Variants in LUC7L2 observed in about 807,000 individuals in gnomAD.
The protein encoded by LUC7L2 is putative RNA-binding protein Luc7-like 2.
LUC7L2 carries 25 observed loss-of-function variants against 52.8 expected under a neutral mutation model. The ratio of observed to expected loss-of-function variants is 0.47; its 90% CI spans 0.34 to 0.66. The LOEUF is 0.66. LUC7L2 is among the 30% of genes least tolerant of loss of function. The probability of loss-of-function intolerance (pLI) is 0.01; values close to 1 mark genes in which losing one functional copy is unlikely to be tolerated. For missense variants in LUC7L2, 328 were observed against 497.8 expected (o/e 0.66, Z 3.25); for synonymous variants, 144 against 160.9 (o/e 0.89, Z 0.80).
rs956448615 is a variant in LUC7L2 at position 139,407,103 on chromosome 7, A to G, written c.511-71A>G. ...TAGAAAACACTTTTGGTATAAGCAT[A>G]GTATATTTTATTTAATTGTATGACT... On this transcript the variant is annotated intron_variant, in intron 5 of 9. Transcript: ENST00000354926. 37 of 1,439,468 alleles carry G rather than the reference A, an allele frequency of 2.6e-5. No homozygotes were observed. In the Admixed American group the frequency reaches 5.6e-4, roughly 22 times the overall value. The allele number at this position is 1,439,468 out of a possible 1,614,324, so 89.2% of individuals were successfully genotyped here.
At chr7:139,367,582 A>G (rs1800228223) in intron 1 of LUC7L2, among the ~76,000 whole-genome samples, 1 of 152,206 alleles carries the variant, frequency 6.6e-6, no homozygotes, top group Admixed American at 6.5e-5. Context: ...AAAATCATGT[A>G]ACACCTAAAG....
intron 2 of LUC7L2, among the ~76,000 whole-genome samples, chr7:139,381,390 T>A (rs1454591060): frequency 0.013 from 1,326 of 105,380 alleles, 26 homozygotes; most frequent in African/African-American, 0.04. Flanking sequence ...ATTTTATTTT[T>A]TATTTTATTT....
At chr7:139,417,447 GAA>G in intron 8 of LUC7L2, 89 bp from the exon 9 acceptor site, 1 of 1,500,490 alleles carries the variant, frequency 6.7e-7, no homozygotes, top group Non-Finnish European at 8.9e-7. Context: ...TAAGACTACT[GAA>G]AAAAAGTTTC....
intron 2 of LUC7L2, among the ~76,000 whole-genome samples, chr7:139,383,981 C>A (rs1794081136): frequency 6.9e-6 from 1 of 144,726 alleles, no homozygotes; most frequent in Admixed American, 6.6e-5. Flanking sequence ...AACTCCTGAC[C>A]TGAAGTGACC....
At chr7:139,375,374 TA>T in intron 1 of LUC7L2, 1 of 985,362 alleles carries the variant, frequency 1.0e-6, no homozygotes, top group Non-Finnish European at 1.2e-6. Context: ...AACTTGGAGG[TA>T]TGGAACCTTT....
At chr7:139,378,962 G>A (rs1408598058) in intron 2 of LUC7L2, among the ~76,000 whole-genome samples, 1 of 152,104 alleles carries the variant, frequency 6.6e-6, no homozygotes, top group African/African-American at 2.4e-5. Flanking sequence ...CTTAACTGTT[G>A]ATTTTATGAT....
At chr7:139,418,607 T>A (rs924799964) in intron 9 of LUC7L2, among the ~76,000 whole-genome samples, 1 of 151,522 alleles carries the variant, frequency 6.6e-6, no homozygotes, top group Admixed American at 6.6e-5. Context: ...TCTTTCCTAT[T>A]TTTTTTTGAC....
intron 7 of LUC7L2, among the ~76,000 whole-genome samples, chr7:139,410,075 C>T (rs1474073270): frequency 6.6e-6 from 1 of 152,012 alleles, no homozygotes; most frequent in Non-Finnish European, 1.5e-5. Flanking sequence ...GGCGAGGTGG[C>T]GGGCGCCTGT....
At chr7:139,386,055 T>A (rs1794179051) in intron 2 of LUC7L2, among the ~76,000 whole-genome samples, 1 of 152,042 alleles carries the variant, frequency 6.6e-6, no homozygotes, top group Non-Finnish European at 1.5e-5. Context: ...CAGGCTGGAG[T>A]GCAATGGCAC....
intron 3 of LUC7L2, among the ~76,000 whole-genome samples, chr7:139,400,002 G>T (rs1055215235): frequency 6.6e-6 from 1 of 152,000 alleles, no homozygotes; most frequent in African/African-American, 2.4e-5. Context: ...TTTAAATTTG[G>T]TTTTAGGAGA....
chr7:139,423,257 C>G lies in LUC7L2; in HGVS notation c.*917C>G. On this transcript the variant is annotated 3_prime_UTR_variant, in exon 10 of 10. Transcript: ENST00000354926. ...ACGTCATTAACAGTGCCTTACTGTGCAAGGCACCAAAGGACATAAATACGT... is the reference window on the plus strand; with the variant it reads ...ACGTCATTAACAGTGCCTTACTGTGGAAGGCACCAAAGGACATAAATACGT... 2.5e-6 allele frequency: 1 copy of G among 398,992 alleles called. No individual in the cohort carries two copies. Among genetic ancestry groups the G allele is most frequent in the Non-Finnish European group, 4.4e-6 (1 of 226,058 alleles). 24.7% of individuals were successfully genotyped at this position (398,992 alleles called of 1,614,324 possible). A position where few individuals can be genotyped will look rare whatever the true frequency, so the allele number is the denominator to read the frequency against.
intron 2 of LUC7L2, among the ~76,000 whole-genome samples, chr7:139,377,182 A>T (rs895144831): frequency 6.6e-6 from 1 of 152,144 alleles, no homozygotes; most frequent in East Asian, 1.9e-4. Context: ...TAATAAATAT[A>T]ATAAACTCTA....
chr7:139,367,564 T>C (rs10271297), intron 1 of LUC7L2, among the ~76,000 whole-genome samples: 1 of 152,080 alleles, frequency 6.6e-6, no homozygotes, highest in African/African-American at 2.4e-5. Flanking sequence ...TTAAAATGTC[T>C]TGTTGGCAAA....
intron 7 of LUC7L2, 33 bp downstream of exon 7, chr7:139,409,687 A>G: frequency 6.4e-7 from 1 of 1,564,028 alleles, no homozygotes; most frequent in Non-Finnish European, 8.6e-7. Context: ...ATTGAAGTTG[A>G]ATCTCTGTGG....
At chr7:139,399,703 G>C (rs188724319) in intron 3 of LUC7L2, among the ~76,000 whole-genome samples, 129 of 151,712 alleles carry the variant, frequency 8.5e-4, no homozygotes, top group African/African-American at 2.6e-3. Flanking sequence ...TCTCCTGACC[G>C]CGTGATCCGC....
intron 1 of LUC7L2, chr7:139,341,407 C>G: frequency 6.2e-7 from 1 of 1,613,334 alleles, no homozygotes; most frequent in Non-Finnish European, 8.5e-7. Context: ...GGGTCCCCGT[C>G]GCACACTTTT....
intron 5 of LUC7L2, among the ~76,000 whole-genome samples, chr7:139,406,624 G>A (rs780545769): frequency 6.6e-6 from 1 of 152,160 alleles, no homozygotes; most frequent in Non-Finnish European, 1.5e-5. Context: ...AAAGTGCTGG[G>A]ATTACAGGCG....
chr7:139,422,549 A>C lies in LUC7L2; in HGVS notation c.*209A>C, dbSNP rs1795950706. ...ATAGTTTCTGGTGAACCTGTAATAC[A>C]GTTCTGAAAGTACAGTTTTATATAA... On this transcript the variant is annotated 3_prime_UTR_variant, in exon 10 of 10. Transcript: ENST00000354926. 6.0e-6 allele frequency: 6 copies of C among 1,007,856 alleles called. No homozygotes were observed. The highest frequency in any genetic ancestry group is 3.5e-4 in the Middle Eastern group (1 of 2,868). The allele number at this position is 1,007,856 out of a possible 1,614,324, so 62.4% of individuals were successfully genotyped here.
At chr7:139,414,873 C>T (rs982547967) in intron 8 of LUC7L2, among the ~76,000 whole-genome samples, 5 of 149,822 alleles carry the variant, frequency 3.3e-5, no homozygotes, top group African/African-American at 1.3e-4. Context: ...TCTTTTTCCA[C>T]TCTACGTAAT....
Sources: gnomAD v4.1 joint callset for allele counts (sites outside exome capture counted in the v4.1 genomes callset) on GRCh38, gnomAD v4.1.1 for gene constraint, MANE v1.5 for transcripts, NCBI Gene and HGNC (gene_info 2026-07-23, HGNC 2026-07-21) for gene names.